The following NLN variants were observed in gnomAD, a reference collection of about 807,000 sequenced individuals.
NLN encodes neurolysin, mitochondrial.
Under a neutral mutation model 79.9 loss-of-function variants are expected in NLN, and 64 were observed. The observed-to-expected ratio is 0.80, with a 90% CI of 0.65 to 0.99. The LOEUF is 0.99. NLN is among the 50% of genes least tolerant of loss of function. The pLI is 0.00. For synonymous variants in NLN, 267 were observed against 296.6 expected (o/e 0.90, Z 1.02); for missense variants, 835 against 858.7 (o/e 0.97, Z 0.34).
intron 9 of NLN, among the ~76,000 whole-genome samples, chr5:65,800,495 G>A (rs1235360558): frequency 2.0e-5 from 3 of 151,974 alleles, no homozygotes; most frequent in African/African-American, 7.2e-5. Context: ...CTAACACGGT[G>A]AAACCCCATC....
At chr5:65,752,485 T>C (rs1031723907) in intron 1 of NLN, among the ~76,000 whole-genome samples, 1 of 152,254 alleles carries the variant, frequency 6.6e-6, no homozygotes, top group Non-Finnish European at 1.5e-5. Context: ...TTTTGACTTA[T>C]GTAGCTCTCA....
At position 65,828,990 on chromosome 5, in the gene NLN, A is replaced by G. The variant is rs1035093970; in HGVS notation, c.*6075A>G. Reference sequence around the variant, plus strand: ...TGGGTATCTGGGAACTGAGGATGGGAGATTAACTGTTGTATATGACCATAG... The same window carrying G: ...TGGGTATCTGGGAACTGAGGATGGGGGATTAACTGTTGTATATGACCATAG... On this transcript the variant is annotated 3_prime_UTR_variant, in exon 13 of 13. Coordinates refer to ENST00000380985, the MANE Select transcript of NLN (RefSeq NM_020726.5). The G allele has an allele frequency of 2.0e-5, 3 of 152,190 alleles. No individual in the cohort carries two copies. Among genetic ancestry groups the G allele is most frequent in the African/African-American group, 7.2e-5 (3 of 41,430 alleles). The allele number at this position is 152,190 out of a possible 1,614,324, so 9.4% of individuals were successfully genotyped here. A position where few individuals can be genotyped will look rare whatever the true frequency, so the allele number is the denominator to read the frequency against.
At chr5:65,729,441 C>G (rs1758556524) in intron 1 of NLN, among the ~76,000 whole-genome samples, 1 of 131,124 alleles carries the variant, frequency 7.6e-6, no homozygotes, top group South Asian at 2.4e-4. Flanking sequence ...GTGGCACGAT[C>G]TTGGATCACT....
At chr5:65,722,444 C>T (rs201139520) in intron 1 of NLN, 30 bp downstream of exon 1, 1 of 1,565,492 alleles carries the variant, frequency 6.4e-7, no homozygotes, top group Non-Finnish European at 8.7e-7. Context: ...TAACCTTGGC[C>T]GTGGGCAGGG....
intron 3 of NLN, among the ~76,000 whole-genome samples, chr5:65,773,198 C>G (rs919349025): frequency 3.6e-5 from 5 of 138,784 alleles, no homozygotes; most frequent in Non-Finnish European, 7.6e-5. Flanking sequence ...GTAGCTCAAT[C>G]TTGGCTCACT....
At chr5:65,751,706 T>C (rs1316179759) in intron 1 of NLN, among the ~76,000 whole-genome samples, 1 of 152,172 alleles carries the variant, frequency 6.6e-6, no homozygotes, top group African/African-American at 2.4e-5. Flanking sequence ...TTCCATAAAA[T>C]ATTTTACAAA....
chr5:65,722,508 C>G, intron 1 of NLN, 94 bp downstream of exon 1: 7 of 1,182,922 alleles, frequency 5.9e-6, no homozygotes, highest in East Asian at 2.9e-5. Context: ...TTCCCGACCG[C>G]GCCTCTCCGA....
chr5:65,751,738 T>C (rs1290905348), intron 1 of NLN, among the ~76,000 whole-genome samples: 1 of 152,196 alleles, frequency 6.6e-6, no homozygotes, highest in Non-Finnish European at 1.5e-5. Flanking sequence ...AATAATTAAC[T>C]CAGAATAACT....
intron 4 of NLN, among the ~76,000 whole-genome samples, chr5:65,779,045 G>A (rs759820727): frequency 3.3e-5 from 5 of 152,148 alleles, no homozygotes; most frequent in African/African-American, 7.2e-5. Context: ...CTACATGGGC[G>A]CTGCAAAGTG....
intron 1 of NLN, among the ~76,000 whole-genome samples, chr5:65,746,869 TG>T (rs1561184057): frequency 6.6e-6 from 1 of 151,984 alleles, no homozygotes; most frequent in African/African-American, 2.4e-5. Context: ...CCGGGCGTGG[TG>T]GTGGGCACCT....
intron 1 of NLN, 101 bp from the exon 2 acceptor site, chr5:65,758,466 G>A: frequency 1.3e-6 from 1 of 774,944 alleles, no homozygotes; most frequent in South Asian, 2.2e-5. Context: ...TTTTAAAAAG[G>A]TTCTTTTTAA....
chr5:65,766,574 C>A (rs1253429534), intron 3 of NLN, among the ~76,000 whole-genome samples: 2 of 152,148 alleles, frequency 1.3e-5, no homozygotes, highest in Admixed American at 6.5e-5. Context: ...GCCAAACTTT[C>A]ATCACACCCC....
intron 12 of NLN, chr5:65,818,591 A>C (rs1016167645): frequency 1.3e-5 from 2 of 152,218 alleles, no homozygotes; most frequent in African/African-American, 4.8e-5. Flanking sequence ...GTTGTTGTCA[A>C]AGCAATTCTA....
At chr5:65,773,699 T>C (rs181029480) in intron 3 of NLN, among the ~76,000 whole-genome samples, 23 of 152,220 alleles carry the variant, frequency 1.5e-4, no homozygotes, top group African/African-American at 4.6e-4. Context: ...TCCCAGCAGG[T>C]TGGGAAGCCG....
intron 1 of NLN, among the ~76,000 whole-genome samples, chr5:65,752,634 A>G (rs1474320997): frequency 6.6e-6 from 1 of 152,214 alleles, no homozygotes; most frequent in East Asian, 1.9e-4. Context: ...GGGGAAGACG[A>G]GATCAATGTA....
At chr5:65,756,332 G>T (rs1759217659) in intron 1 of NLN, among the ~76,000 whole-genome samples, 1 of 151,972 alleles carries the variant, frequency 6.6e-6, no homozygotes, top group Non-Finnish European at 1.5e-5. Context: ...CCCCCAAAAA[G>T]CCTCCTTTCC....
intron 1 of NLN, among the ~76,000 whole-genome samples, chr5:65,756,383 A>G (rs1759219533): frequency 6.6e-6 from 1 of 152,106 alleles, no homozygotes; most frequent in South Asian, 2.1e-4. Flanking sequence ...GCCTCCATCC[A>G]TTCAGTACCA....
At chr5:65,767,131 C>T (rs1310273407) in intron 3 of NLN, among the ~76,000 whole-genome samples, 1 of 152,240 alleles carries the variant, frequency 6.6e-6, no homozygotes, top group Non-Finnish European at 1.5e-5. Context: ...CTCCACTAGG[C>T]AGTGCCCTAG....
In NLN at chr5:65,758,834, A is replaced by G. The variant is rs1297162219; in HGVS notation, c.301+8A>G. The G allele has an allele frequency of 6.2e-7, 1 of 1,602,670 alleles. No homozygotes were observed. On this transcript the variant is annotated splice_region_variant and intron_variant, in intron 2 of 12. Transcript: ENST00000380985. The stretch of plus-strand genomic sequence containing the variant: ...TAGAAGTAAAGTATATAGGTGGGTC[A>G]GATGCAGAAGCATATCAGTGTTTCA...
Sources: allele counts gnomAD v4.1 joint callset (sites outside exome capture counted in the v4.1 genomes callset), GRCh38; gene constraint gnomAD v4.1.1; transcripts MANE v1.5; gene names NCBI Gene and HGNC (gene_info 2026-07-23, HGNC 2026-07-21).